The following ZNF317 variants were observed in gnomAD, a reference collection of about 807,000 sequenced individuals.
The protein encoded by ZNF317 is zinc finger protein 317.
ZNF317 carries 17 observed loss-of-function variants against 23.4 expected under a neutral mutation model. That is an observed-to-expected ratio of 0.73 (90% CI 0.50 to 1.09). ZNF317 has a LOEUF of 1.09. Ranked by LOEUF, ZNF317 falls within the 50% of genes least tolerant of loss-of-function variation. The pLI is 0.00. For synonymous variants in ZNF317, 317 were observed against 314.9 expected (o/e 1.01, Z -0.07); for missense variants, 679 against 796.7 (o/e 0.85, Z 1.78).
rs116713410 is a variant in ZNF317, at chr19:9,157,145, C to T, written c.163-123C>T. Reference sequence around the variant, plus strand: ...GATGCCTGGAGGAAATGTTGAGCCCCGTAGCAGGCCATCTGGAAATCCTGT... The same window carrying T: ...GATGCCTGGAGGAAATGTTGAGCCCTGTAGCAGGCCATCTGGAAATCCTGT... On this transcript the variant is annotated intron_variant, in intron 3 of 6. Coordinates refer to ENST00000247956, the MANE Select transcript of ZNF317 (RefSeq NM_020933.5). 1,656 of 1,238,132 alleles carry T rather than the reference C, an allele frequency of 1.3e-3. 14 individuals are homozygous for T. In the African/African-American group the frequency reaches 0.021, roughly 16 times the overall value. The allele number at this position is 1,238,132 out of a possible 1,614,324, so 76.7% of individuals were successfully genotyped here.
intron 1 of ZNF317, among the ~76,000 whole-genome samples, chr19:9,145,742 G>GC (rs879260748): frequency 6.6e-6 from 1 of 152,030 alleles, no homozygotes; most frequent in Admixed American, 6.6e-5. Flanking sequence ...CTTATCTTCT[G>GC]CCCCCACGTG....
At position 9,160,990 on chromosome 19, in the gene ZNF317, G is replaced by A. The variant is rs781339999; in HGVS notation, c.1345G>A (p.Asp449Asn). 15 of 1,614,010 alleles carry A rather than the reference G, an allele frequency of 9.3e-6. No homozygotes were observed. The highest frequency in any genetic ancestry group is 1.7e-5 in the Admixed American group (1 of 60,006). ...SHTGEKPYGC[D>N]LCGKAFSASS... The stretch of plus-strand genomic sequence containing the variant: ...CACTGGAGAGAAACCATACGGGTGC[G>A]ATCTCTGCGGGAAAGCTTTCAGCGC... The change falls in exon 7 of 7, where the codon GAT becomes AAT. Residue 449 changes from aspartate to asparagine, a missense_variant. Physicochemically the swap from Asp to Asn is conservative, Grantham distance 23 (BLOSUM62 1). Transcript: ENST00000247956. This position sits in a 1 kb window ranked among gnomAD's most constrained non-coding sequence, Gnocchi z 6.8.
At chr19:9,158,372 T>TTC (rs2050810428) in intron 5 of ZNF317, among the ~76,000 whole-genome samples, 1 of 102,820 alleles carries the variant, frequency 9.7e-6, no homozygotes, top group Non-Finnish European at 2.1e-5. Flanking sequence ...TCTTTTTTTT[T>TTC]TTTTTTTTTT....
chr19:9,160,411 G>A lies in ZNF317; in HGVS notation c.766G>A (p.Gly256Arg), dbSNP rs780575735. Residue 256 changes from glycine to arginine, a missense_variant, in exon 7 of 7, where the codon GGG (glycine) becomes AGG (arginine). Coordinates refer to ENST00000247956, the MANE Select transcript of ZNF317 (RefSeq NM_020933.5). The surrounding 1 kb of genome is among the most constrained non-coding windows in gnomAD (Gnocchi z 6.8). The part of the protein sequence containing the change: ...GEKPYECSDC[G>R]KAFNDPSALR... ...GAAGCCTTACGAGTGCAGCGACTGC[G>A]GGAAAGCCTTCAACGACCCTTCAGC... is the stretch of plus-strand genomic sequence containing the variant. The A allele has an allele frequency of 1.9e-5, 30 of 1,614,074 alleles. No individual in the cohort carries two copies. Among genetic ancestry groups the A allele is most frequent in the Middle Eastern group, 1.6e-4 (1 of 6,084 alleles).
At chr19:9,150,668 G>A (rs1432114292) in intron 1 of ZNF317, among the ~76,000 whole-genome samples, 3 of 152,224 alleles carry the variant, frequency 2.0e-5, no homozygotes, top group Non-Finnish European at 4.4e-5. Flanking sequence ...CACAGACTGG[G>A]ATGAGTGGGC....
rs1367212972 is a variant in ZNF317 at position 9,161,522 on chromosome 19, T to G, written c.*89T>G. On this transcript the variant is annotated 3_prime_UTR_variant, in exon 7 of 7. Transcript: ENST00000247956. The surrounding 1 kb of genome is among the most constrained non-coding windows in gnomAD (Gnocchi z 4.0). ...AAGCCTCTGTGAGCTCGCACCTTAC[T>G]GGGTGCAAAAGAATCCACGGAACTT... 7 of 1,504,970 alleles carry G rather than the reference T, an allele frequency of 4.7e-6. No individual in the cohort carries two copies. The highest frequency in any genetic ancestry group is 6.2e-6 in the Non-Finnish European group (7 of 1,123,438). 93.2% of individuals were successfully genotyped at this position (1,504,970 alleles called of 1,614,324 possible).
intron 4 of ZNF317, chr19:9,157,604 C>T (rs1311480944): frequency 3.2e-6 from 2 of 632,820 alleles, no homozygotes; most frequent in East Asian, 3.3e-5. Flanking sequence ...CTGAGCTTGG[C>T]ATGGGCTTCT....
intron 4 of ZNF317, chr19:9,157,621 C>T (rs994091266): frequency 6.4e-5 from 37 of 577,710 alleles, no homozygotes; most frequent in African/African-American, 1.1e-4. Context: ...TTCTGAAATA[C>T]GAAATCCCCA....
At chr19:9,143,648 T>A (rs1385765444) in intron 1 of ZNF317, among the ~76,000 whole-genome samples, 1 of 86,946 alleles carries the variant, frequency 1.2e-5, no homozygotes, top group African/African-American at 6.7e-5. Flanking sequence ...TCTCATCATG[T>A]TCAATCTGCA....
chr19:9,160,799 T>G lies in ZNF317; in HGVS notation c.1154T>G (p.Met385Arg). The G allele has an allele frequency of 3.1e-6, 5 of 1,613,772 alleles. No homozygotes were observed. In the East Asian group the frequency reaches 1.1e-4, roughly 36 times the overall value. ...TTTAATTTGCACAAGAAGAACCACA[T>G]GGTGGAGAAGACCTACGAATGTAAA... The part of the protein sequence containing the change: ...SNFNLHKKNH[M>R]VEKTYECKEC... The change falls in exon 7 of 7, where the codon ATG becomes AGG. Residue 385 changes from methionine (M) to arginine (R), a missense_variant. By Grantham distance (91) the Met-to-Arg change is moderately conservative (BLOSUM62 -1). Transcript: ENST00000247956. The surrounding 1 kb of genome is among the most constrained non-coding windows in gnomAD (Gnocchi z 6.8).
rs954548221 is a variant in ZNF317, at chr19:9,140,415, A to G, written c.-270A>G. ...AGGCGGCAGTGAAGCGGAAGCCATT[A>G]CTCTCTGGAGTCGATTGCCCCGAGA... On this transcript the variant is annotated 5_prime_UTR_variant, in exon 1 of 7. Transcript: ENST00000247956. 4.8e-6 allele frequency: 2 copies of G among 419,132 alleles called. No homozygotes were observed. The highest frequency in any genetic ancestry group is 4.8e-6 in the Non-Finnish European group (1 of 209,532). 26.0% of individuals were successfully genotyped at this position (419,132 alleles called of 1,614,324 possible). A position where few individuals can be genotyped will look rare whatever the true frequency, so the allele number is the denominator to read the frequency against.
At position 9,161,624 on chromosome 19, in the gene ZNF317, C is replaced by A; in HGVS notation, c.*191C>A. ...ATAGGAGGTTTGTGAGAACTCACGCCGGGGGTGAAAATGTACGTCTGTAGC... is the reference window on the plus strand; with the variant it reads ...ATAGGAGGTTTGTGAGAACTCACGCAGGGGGTGAAAATGTACGTCTGTAGC... On this transcript the variant is annotated 3_prime_UTR_variant, in exon 7 of 7. Coordinates refer to ENST00000247956, the MANE Select transcript of ZNF317 (RefSeq NM_020933.5). This position sits in a 1 kb window ranked among gnomAD's most constrained non-coding sequence, Gnocchi z 4.0. 1.3e-6 allele frequency: 1 copy of A among 753,874 alleles called. No individual in the cohort carries two copies. Among genetic ancestry groups the A allele is most frequent in the Non-Finnish European group, 2.1e-6 (1 of 486,566 alleles). 46.7% of individuals were successfully genotyped at this position (753,874 alleles called of 1,614,324 possible).
chr19:9,157,604 C>A, intron 4 of ZNF317: 2 of 632,918 alleles, frequency 3.2e-6, no homozygotes, highest in Non-Finnish European at 2.4e-6. Context: ...CTGAGCTTGG[C>A]ATGGGCTTCT....
intron 1 of ZNF317, among the ~76,000 whole-genome samples, chr19:9,151,887 T>C (rs2050738539): frequency 6.6e-6 from 1 of 151,226 alleles, no homozygotes; most frequent in Non-Finnish European, 1.5e-5. Context: ...GGTTCACCAG[T>C]GAAGCCCCTT....
chr19:9,157,337 C>G lies in ZNF317; in HGVS notation c.232C>G (p.Gln78Glu), dbSNP rs750702980. ...EKEWPLLDSS[Q>E]RKLYKDVMLE... ...GGAGTGGCCCTTGCTGGATTCTTCTCAGAGAAAACTGTACAAAGATGTAAT... is the reference window on the plus strand; with the variant it reads ...GGAGTGGCCCTTGCTGGATTCTTCTGAGAGAAAACTGTACAAAGATGTAAT... Residue 78 changes from glutamine (Q) to glutamate (E), a missense_variant, in exon 4 of 7, where the codon CAG (glutamine) becomes GAG (glutamate). By Grantham distance (29) the Gln-to-Glu change is conservative. Coordinates refer to ENST00000247956, the MANE Select transcript of ZNF317 (RefSeq NM_020933.5). 2 of 1,614,076 alleles carry G rather than the reference C, an allele frequency of 1.2e-6. No individual in the cohort carries two copies. The highest frequency in any genetic ancestry group is 1.7e-6 in the Non-Finnish European group (2 of 1,180,006).
chr19:9,154,551 A>G (rs529414767), intron 1 of ZNF317, among the ~76,000 whole-genome samples: 1 of 152,146 alleles, frequency 6.6e-6, no homozygotes, highest in South Asian at 2.1e-4. Flanking sequence ...GTGTGTCTGC[A>G]TAGTTTCTTT....
intron 1 of ZNF317, among the ~76,000 whole-genome samples, chr19:9,141,843 T>G (rs149589828): frequency 1.3e-5 from 2 of 152,322 alleles, no homozygotes; most frequent in Non-Finnish European, 2.9e-5. Flanking sequence ...GTCTCACCCT[T>G]GTAGCCCAGA....
Position 9,158,002 on chromosome 19 carries a change from C to A in ZNF317, c.312C>A (p.Ser104Arg), listed in dbSNP as rs768422421. The change falls in exon 5 of 7, where the codon AGC becomes AGA. Residue 104 changes from serine to arginine, a missense_variant. Transcript: ENST00000247956. ...TAGGGTATCAGGTCGGCAAACCCAG[C>A]CTCATCTCACACTTGGAGCAGGAGG... ...TSLGYQVGKPSLISHLEQEEE... is the reference protein window; with the variant it reads ...TSLGYQVGKPRLISHLEQEEE... The A allele has an allele frequency of 2.6e-6, 4 of 1,551,490 alleles. No homozygotes were observed. Among genetic ancestry groups the A allele is most frequent in the Admixed American group, 2.0e-5 (1 of 50,974 alleles).
At position 9,157,694 on chromosome 19, in the gene ZNF317, T is replaced by TAA. The variant is rs113096841; in HGVS notation, c.290-286_290-285insAA. On this transcript the variant is annotated intron_variant, in intron 4 of 6. Coordinates refer to ENST00000247956, the MANE Select transcript of ZNF317 (RefSeq NM_020933.5). ...TATTTCCTATTTCTTTTTTTTTTTT[T>TAA]TTTTTTTTATTTTTGGTGATGAAGG... The TAA allele has an allele frequency of 8.3e-3, 4,176 of 501,062 alleles. 159 individuals carry two copies. Among genetic ancestry groups the TAA allele is most frequent in the African/African-American group, 0.075 (3,827 of 51,152 alleles). The allele number at this position is 501,062 out of a possible 1,614,324, so 31.0% of individuals were successfully genotyped here.
Sources: allele counts gnomAD v4.1 joint callset (sites outside exome capture counted in the v4.1 genomes callset), GRCh38; gene constraint gnomAD v4.1.1; non-coding constraint Gnocchi (gnomAD v3.1); transcripts MANE v1.5; gene names NCBI Gene and HGNC (gene_info 2026-07-23, HGNC 2026-07-21).